AP3B1: variants seen among roughly 807,000 people sequenced by gnomAD.
The protein encoded by AP3B1 is adaptor related protein complex 3 subunit beta 1.
AP3B1 carries 61 observed loss-of-function variants against 132.5 expected under a neutral mutation model. That is an observed-to-expected ratio of 0.46 (90% CI 0.37 to 0.57). AP3B1 has a LOEUF of 0.57. AP3B1 is among the 20% of genes least tolerant of loss of function. The probability of loss-of-function intolerance (pLI) is 0.00; values close to 1 mark genes in which losing one functional copy is unlikely to be tolerated. For missense variants in AP3B1, 1,120 were observed against 1,289.4 expected, an observed-to-expected ratio of 0.87 and a Z score of 2.01; for synonymous variants, 388 against 438.3, an observed-to-expected ratio of 0.89 and a Z score of 1.43.
chr5:78,275,983 A>G (rs1748758314), intron 1 of AP3B1, among the ~76,000 whole-genome samples: 1 of 152,230 alleles, frequency 6.6e-6, no homozygotes, highest in Admixed American at 6.5e-5. Context: ...ACAAATTTGA[A>G]AGGTATAAGA....
intron 2 of AP3B1, among the ~76,000 whole-genome samples, chr5:78,261,894 G>T (rs2112554130): frequency 6.6e-6 from 1 of 152,180 alleles, no homozygotes; most frequent in Non-Finnish European, 1.5e-5. Flanking sequence ...TGGGATTACA[G>T]GCACCCACCA....
At chr5:78,109,658 T>A (rs1751489454) in intron 20 of AP3B1, among the ~76,000 whole-genome samples, 1 of 152,124 alleles carries the variant, frequency 6.6e-6, no homozygotes, top group Non-Finnish European at 1.5e-5. Flanking sequence ...AATAACTATA[T>A]TTTTGCAATT....
intron 2 of AP3B1, among the ~76,000 whole-genome samples, chr5:78,241,318 T>C (rs1419521159): frequency 6.6e-6 from 1 of 152,032 alleles, no homozygotes; most frequent in Non-Finnish European, 1.5e-5. Context: ...CCACCTCAGC[T>C]TCAGCTGAGG....
intron 22 of AP3B1, among the ~76,000 whole-genome samples, chr5:78,054,471 A>G (rs1198744856): frequency 1.3e-5 from 2 of 152,074 alleles, no homozygotes; most frequent in Non-Finnish European, 2.9e-5. Context: ...GGAACAGGTG[A>G]GCTTCACACA....
At chr5:78,005,943 A>G (rs553806007) in intron 26 of AP3B1, among the ~76,000 whole-genome samples, 1 of 152,350 alleles carries the variant, frequency 6.6e-6, no homozygotes, top group South Asian at 2.1e-4. Context: ...TTATAAAGTC[A>G]GCGTGGGTCA....
chr5:78,004,565 C>G (rs1746315525), intron 26 of AP3B1, among the ~76,000 whole-genome samples: 1 of 152,136 alleles, frequency 6.6e-6, no homozygotes, highest in Admixed American at 6.5e-5. Context: ...CAAATAAAAT[C>G]ATGAACTAGG....
At chr5:78,140,230 G>C (rs1753088014) in intron 15 of AP3B1, among the ~76,000 whole-genome samples, 1 of 151,986 alleles carries the variant, frequency 6.6e-6, no homozygotes, top group Admixed American at 6.6e-5. Flanking sequence ...CTGCAAATCT[G>C]GTAAATTATA....
At chr5:78,279,385 T>G (rs1012826511) in intron 1 of AP3B1, among the ~76,000 whole-genome samples, 25 of 152,336 alleles carry the variant, frequency 1.6e-4, no homozygotes, top group African/African-American at 6.0e-4. Context: ...GTAGCTATTA[T>G]TGTTCCCATT....
intron 22 of AP3B1, chr5:78,043,968 G>A (rs904069009): frequency 6.5e-6 from 2 of 309,080 alleles, no homozygotes; most frequent in Admixed American, 3.6e-5. Context: ...GGTTTGTCAG[G>A]CTCTTACAGG....
intron 1 of AP3B1, among the ~76,000 whole-genome samples, chr5:78,273,790 G>T (rs931318022): frequency 6.6e-6 from 1 of 151,850 alleles, no homozygotes; most frequent in Non-Finnish European, 1.5e-5. Flanking sequence ...ATAAGAAAAA[G>T]TTCCATAAAC....
chr5:78,111,514 T>A (rs2112255384), intron 19 of AP3B1, among the ~76,000 whole-genome samples: 1 of 152,198 alleles, frequency 6.6e-6, no homozygotes, highest in Admixed American at 6.5e-5. Flanking sequence ...CAGGAGAACA[T>A]GTGGAGAGAC....
At chr5:78,285,483 A>C (rs1749235605) in intron 1 of AP3B1, among the ~76,000 whole-genome samples, 1 of 151,690 alleles carries the variant, frequency 6.6e-6, no homozygotes, top group Admixed American at 6.6e-5. Context: ...CTTTTTCTAC[A>C]CTCACTTCCT....
intron 1 of AP3B1, among the ~76,000 whole-genome samples, chr5:78,285,656 CT>C (rs1749243078): frequency 1.8e-5 from 2 of 110,770 alleles, no homozygotes; most frequent in African/African-American, 6.9e-5. Context: ...CTCTTGGTCC[CT>C]TTCCCCCTTT....
intron 1 of AP3B1, among the ~76,000 whole-genome samples, chr5:78,287,312 T>C (rs1749324729): frequency 6.6e-6 from 1 of 152,186 alleles, no homozygotes; most frequent in Non-Finnish European, 1.5e-5. Context: ...GAATATTTTC[T>C]TGAATATTTA....
At chr5:78,096,020 C>A (rs540063098) in intron 21 of AP3B1, among the ~76,000 whole-genome samples, 1 of 152,296 alleles carries the variant, frequency 6.6e-6, no homozygotes, top group East Asian at 1.9e-4. Flanking sequence ...GTCCCTCTCC[C>A]TTTCCCTCTC....
chr5:78,251,240 A>C (rs766498990), intron 2 of AP3B1, among the ~76,000 whole-genome samples: 1 of 152,338 alleles, frequency 6.6e-6, no homozygotes, highest in Admixed American at 6.5e-5. Context: ...CTAAAAGAGA[A>C]AGAGAAAAAG....
At chr5:78,093,417 A>G (rs1189412405) in intron 21 of AP3B1, among the ~76,000 whole-genome samples, 1 of 152,218 alleles carries the variant, frequency 6.6e-6, no homozygotes, top group African/African-American at 2.4e-5. Context: ...AGTAGAATCC[A>G]ATTTGGAAGG....
At position 78,059,411 on chromosome 5, in the gene AP3B1, A is replaced by C. The variant is rs138476836; in HGVS notation, c.2578-20137T>G. 1.3e-3 allele frequency among the ~76,000 whole-genome samples: 203 copies of C among 152,330 alleles called. 3 individuals are homozygous for C. The highest frequency in any genetic ancestry group is 1.5e-3 in the Non-Finnish European group (105 of 68,022). On this transcript the variant is annotated intron_variant, in intron 22 of 26. Coordinates refer to ENST00000255194, the MANE Select transcript of AP3B1 (RefSeq NM_003664.5). Reference sequence around the variant, plus strand: ...GGTAATGTGTTACATCAGTGACTGGAAACTAATAAAGGTAACTGCGGTGCC... The same window carrying C: ...GGTAATGTGTTACATCAGTGACTGGCAACTAATAAAGGTAACTGCGGTGCC...
chr5:78,198,432 T>C (rs1745156666), intron 7 of AP3B1, among the ~76,000 whole-genome samples: 1 of 152,156 alleles, frequency 6.6e-6, no homozygotes, highest in African/African-American at 2.4e-5. Flanking sequence ...GGTGATTCAA[T>C]TCATGGTGAA....
Sources: gnomAD v4.1 joint callset for allele counts (sites outside exome capture counted in the v4.1 genomes callset) on GRCh38, gnomAD v4.1.1 for gene constraint, MANE v1.5 for transcripts, NCBI Gene and HGNC (gene_info 2026-07-23, HGNC 2026-07-21) for gene names.